Variants in MAPK8 observed in about 807,000 individuals in gnomAD.
MAPK8 encodes the protein mitogen-activated protein kinase 8.
MAPK8 carries 13 observed loss-of-function variants against 52.9 expected under a neutral mutation model. The ratio of observed to expected loss-of-function variants is 0.25; its 90% CI spans 0.16 to 0.39. The LOEUF is 0.39. Among genes scored for constraint, MAPK8 ranks in the 10% least tolerant of loss-of-function variants. The pLI is 1.00. For synonymous variants in MAPK8, 191 were observed against 169.8 expected, an observed-to-expected ratio of 1.12 and a Z score of -0.97; for missense variants, 300 against 519.2, an observed-to-expected ratio of 0.58 and a Z score of 4.10.
chr10:48,373,727 A>G (rs192463228), intron 1 of MAPK8, among the ~76,000 whole-genome samples: 3 of 152,224 alleles, frequency 2.0e-5, no homozygotes, highest in Admixed American at 1.3e-4. Flanking sequence ...ATATGCACCT[A>G]ATACAGTAGC....
intron 1 of MAPK8, among the ~76,000 whole-genome samples, chr10:48,368,507 G>GGA (rs1848266484): frequency 6.6e-6 from 1 of 152,226 alleles, no homozygotes; most frequent in Non-Finnish European, 1.5e-5. Flanking sequence ...TGGAGAGGGA[G>GGA]GAGGATCTGG....
rs3730157 is a variant in MAPK8, at chr10:48,409,799, T to A, written c.253-80T>A. Reference sequence around the variant, plus strand: ...ATTTTAAACTGATGGTAGTTTTTTTTAACTCATGTATTTGTAGTTCCCAAA... The same window carrying A: ...ATTTTAAACTGATGGTAGTTTTTTTAAACTCATGTATTTGTAGTTCCCAAA... On this transcript the variant is annotated intron_variant, in intron 3 of 11. Coordinates refer to ENST00000374189, the MANE Select transcript of MAPK8 (RefSeq NM_001323329.2). 0.099 allele frequency: 91,365 copies of A among 920,064 alleles called. 5,940 individuals carry two copies. Among genetic ancestry groups the A allele is most frequent in the Admixed American group, 0.27 (10,376 of 38,766 alleles). 57.0% of individuals were successfully genotyped at this position (920,064 alleles called of 1,614,324 possible). A position where few individuals can be genotyped will look rare whatever the true frequency, so the allele number is the denominator to read the frequency against.
At chr10:48,413,857 A>AAC (rs2042912784) in intron 5 of MAPK8, among the ~76,000 whole-genome samples, 2 of 124,574 alleles carry the variant, frequency 1.6e-5, no homozygotes, top group African/African-American at 3.0e-5. Flanking sequence ...ATATATATAT[A>AAC]TATTCAGAAA....
intron 1 of MAPK8, among the ~76,000 whole-genome samples, chr10:48,382,796 T>C (rs1013541846): frequency 2.0e-5 from 3 of 147,308 alleles, no homozygotes; most frequent in African/African-American, 7.4e-5. Flanking sequence ...TATATACTTA[T>C]ATATAATATA....
At chr10:48,427,209 TTATC>T in intron 10 of MAPK8, 66 bp downstream of exon 10, 2 of 1,190,604 alleles carry the variant, frequency 1.7e-6, no homozygotes, top group Non-Finnish European at 2.4e-6. Flanking sequence ...TGGTGATTTA[TTATC>T]ATGTTAGAGA....
At position 48,436,027 on chromosome 10, in the gene MAPK8, G is replaced by A. The variant is rs1564635592; in HGVS notation, c.*998G>A. ...CTATTACTTGGAGTGTCTGTCAGTT[G>A]AGCACCAGTTGTTCTGGTGTTTCAT... On this transcript the variant is annotated 3_prime_UTR_variant, in exon 12 of 12. Coordinates refer to ENST00000374189, the MANE Select transcript of MAPK8 (RefSeq NM_001323329.2). 6.6e-6 allele frequency: 1 copy of A among 152,126 alleles called. No individual in the cohort carries two copies. The highest frequency in any genetic ancestry group is 1.5e-5 in the Non-Finnish European group (1 of 68,028). The allele number at this position is 152,126 out of a possible 1,614,324, so 9.4% of individuals were successfully genotyped here.
chr10:48,337,470 A>G (rs1403049875), intron 1 of MAPK8, among the ~76,000 whole-genome samples: 1 of 152,174 alleles, frequency 6.6e-6, no homozygotes, highest in East Asian at 1.9e-4. Flanking sequence ...GTTAAGAGGA[A>G]AATTTTAGTG....
At chr10:48,424,673 C>A in intron 7 of MAPK8, 2 of 763,174 alleles carry the variant, frequency 2.6e-6, no homozygotes, top group South Asian at 2.3e-5. Flanking sequence ...TGTATTTTGT[C>A]TCTCCCTAAT....
At chr10:48,395,005 A>G (rs1482043186) in intron 1 of MAPK8, among the ~76,000 whole-genome samples, 1 of 151,972 alleles carries the variant, frequency 6.6e-6, no homozygotes, top group Non-Finnish European at 1.5e-5. Context: ...TGTATGTTAG[A>G]AATTATTATA....
intron 1 of MAPK8, among the ~76,000 whole-genome samples, chr10:48,376,584 C>G (rs1266622478): frequency 1.3e-5 from 2 of 152,178 alleles, no homozygotes; most frequent in East Asian, 3.9e-4. Flanking sequence ...TGAAGAGACA[C>G]TTCTCAAAAG....
At chr10:48,425,842 A>G (rs1396978351) in intron 7 of MAPK8, 46 bp from the exon 8 acceptor site, 3 of 386,410 alleles carry the variant, frequency 7.8e-6, no homozygotes, top group Middle Eastern at 5.6e-4. Flanking sequence ...TGACTAATGT[A>G]TTGAACATTA....
chr10:48,425,161 C>T (rs2043598496), intron 7 of MAPK8: 1 of 761,352 alleles, frequency 1.3e-6, no homozygotes. Flanking sequence ...CAGCTAGTAA[C>T]ACTTAGAATT....
At chr10:48,333,693 G>A (rs138599516) in intron 1 of MAPK8, among the ~76,000 whole-genome samples, 39 of 119,988 alleles carry the variant, frequency 3.3e-4, no homozygotes, top group Middle Eastern at 3.9e-3. Flanking sequence ...GTGGGGACAC[G>A]GGGCAGAGCC....
intron 1 of MAPK8, among the ~76,000 whole-genome samples, chr10:48,341,201 A>G: frequency 6.6e-6 from 1 of 152,248 alleles, no homozygotes; most frequent in East Asian, 1.9e-4. Context: ...ATAATACTGG[A>G]CAGTGAAATG....
chr10:48,366,270 C>T lies in MAPK8; in HGVS notation c.-49-35342C>T, dbSNP rs373385727. On this transcript the variant is annotated intron_variant, in intron 1 of 11. Transcript: ENST00000374189. ...AAAACTAAACTAAACAAAAAAAACCCCTAAGAACCTTTAAACTTAACAAAG... is the reference window on the plus strand; with the variant it reads ...AAAACTAAACTAAACAAAAAAAACCTCTAAGAACCTTTAAACTTAACAAAG... Among the ~76,000 whole-genome samples the T allele has an allele frequency of 2.5e-4, 38 of 151,848 alleles. No homozygotes were observed. In the East Asian group the frequency reaches 3.3e-3, roughly 13 times the overall value.
Position 48,353,150 on chromosome 10 carries a change from G to A in MAPK8, c.-50+46329G>A, listed in dbSNP as rs569667313. On this transcript the variant is annotated intron_variant, in intron 1 of 11. Transcript: ENST00000374189. Reference sequence around the variant, plus strand: ...GCTCATAGATTGGAAGACTCAGCATGTTATAAATGACTATTTTCCTAAAAT... The same window carrying A: ...GCTCATAGATTGGAAGACTCAGCATATTATAAATGACTATTTTCCTAAAAT... 5.9e-5 allele frequency among the ~76,000 whole-genome samples: 9 copies of A among 152,280 alleles called. No individual in the cohort carries two copies. In the South Asian group the frequency reaches 1.9e-3, roughly 32 times the overall value.
At chr10:48,378,415 C>T (rs2040798297) in intron 1 of MAPK8, among the ~76,000 whole-genome samples, 2 of 73,454 alleles carry the variant, frequency 2.7e-5, no homozygotes, top group Non-Finnish European at 5.2e-5. Context: ...ATGAGAGATA[C>T]ATAACAGTTA....
intron 5 of MAPK8, among the ~76,000 whole-genome samples, chr10:48,418,095 G>A (rs2043160173): frequency 6.6e-6 from 1 of 152,186 alleles, no homozygotes; most frequent in African/African-American, 2.4e-5. Flanking sequence ...TTCAGTATCA[G>A]CACTTTCTTT....
chr10:48,348,901 T>C (rs1458350507), intron 1 of MAPK8, among the ~76,000 whole-genome samples: 1 of 148,482 alleles, frequency 6.7e-6, no homozygotes, highest in African/African-American at 2.5e-5. Flanking sequence ...AAGACACTCA[T>C]AGGCTCAAAA....
Sources: gnomAD v4.1 joint callset for allele counts (sites outside exome capture counted in the v4.1 genomes callset) on GRCh38, gnomAD v4.1.1 for gene constraint, MANE v1.5 for transcripts, NCBI Gene and HGNC (gene_info 2026-07-23, HGNC 2026-07-21) for gene names.